ANKS1B: variants seen among roughly 807,000 people sequenced by gnomAD.
The protein encoded by ANKS1B is ankyrin repeat and sterile alpha motif domain containing 1B, also known as ankyrin repeat and sterile alpha motif domain-containing protein 1B.
Under a neutral mutation model 148.3 loss-of-function variants are expected in ANKS1B, and 36 were observed. The observed-to-expected ratio is 0.24, with a 90% CI of 0.19 to 0.32. The LOEUF (loss-of-function observed/expected upper bound fraction) is 0.32. ANKS1B is among the 10% of genes least tolerant of loss of function. The pLI is 1.00. For missense variants in ANKS1B, 1,157 were observed against 1,542.6 expected (o/e 0.75, Z 4.19); for synonymous variants, 542 against 560.8 (o/e 0.97, Z 0.47).
intron 14 of ANKS1B, among the ~76,000 whole-genome samples, chr12:99,202,906 A>G (rs1046296377): frequency 6.6e-6 from 1 of 152,038 alleles, no homozygotes; most frequent in Non-Finnish European, 1.5e-5. Context: ...TCCCTCTCCA[A>G]GTGTCCTACA....
At chr12:99,052,734 C>CAAAAAAAAAAAAA (rs56965572) in intron 17 of ANKS1B, among the ~76,000 whole-genome samples, 9 of 26,012 alleles carry the variant, frequency 3.5e-4, no homozygotes, top group African/African-American at 3.8e-4. Flanking sequence ...GACTCCGTCT[C>CAAAAAAAAAAAAA]AAAAAAAAAA....
intron 10 of ANKS1B, among the ~76,000 whole-genome samples, chr12:99,460,628 CAACA>C (rs2095940480): frequency 6.6e-6 from 1 of 151,352 alleles, no homozygotes; most frequent in Non-Finnish European, 1.5e-5. Context: ...TACAAATGGC[CAACA>C]AACATATAAA....
At chr12:99,194,619 C>A (rs1014775684) in intron 14 of ANKS1B, among the ~76,000 whole-genome samples, 1 of 151,890 alleles carries the variant, frequency 6.6e-6, no homozygotes, top group African/African-American at 2.4e-5. Context: ...TATTAGCACC[C>A]CAATTCAAAC....
chr12:99,610,499 T>C (rs1175048839), intron 9 of ANKS1B, among the ~76,000 whole-genome samples: 4 of 152,132 alleles, frequency 2.6e-5, no homozygotes, highest in South Asian at 2.1e-4. Flanking sequence ...GTTTTATATC[T>C]GGCTTTTGGG....
chr12:99,362,759 T>C (rs929534761), intron 12 of ANKS1B, among the ~76,000 whole-genome samples: 1 of 152,080 alleles, frequency 6.6e-6, no homozygotes, highest in Non-Finnish European at 1.5e-5. Flanking sequence ...ATAAACGCAG[T>C]CAAGTTATCT....
intron 2 of ANKS1B, among the ~76,000 whole-genome samples, chr12:99,820,072 T>A (rs181367032): frequency 8.9e-5 from 13 of 145,542 alleles, no homozygotes; most frequent in African/African-American, 2.6e-4. Flanking sequence ...CTCTACTCTA[T>A]CTATGGAAAT....
intron 17 of ANKS1B, among the ~76,000 whole-genome samples, chr12:98,914,229 A>G (rs2099790924): frequency 6.6e-6 from 1 of 151,882 alleles, no homozygotes; most frequent in South Asian, 2.1e-4. Flanking sequence ...TCCTATTACT[A>G]TGTGACATGC....
intron 17 of ANKS1B, among the ~76,000 whole-genome samples, chr12:98,842,914 A>G (rs1406226837): frequency 1.3e-5 from 2 of 152,210 alleles, no homozygotes; most frequent in Non-Finnish European, 2.9e-5. Context: ...TATATTTTTG[A>G]GGGTCTTAAT....
rs2094043848 is a variant in ANKS1B at position 99,912,699 on chromosome 12, C to T, written c.134+71405G>A. ...ACAAATTTTACTTTGAGTGTTAAGG[C>T]TATCTGTATATTCAAATTTTCCAGA... is the stretch of plus-strand genomic sequence containing the variant. On this transcript the variant is annotated intron_variant, in intron 1 of 26. Transcript: ENST00000683438. Among the ~76,000 whole-genome samples the T allele has an allele frequency of 3.3e-5, 5 of 152,056 alleles. 1 individual carries two copies. The highest frequency in any genetic ancestry group is 3.3e-4 in the Admixed American group (5 of 15,252).
chr12:99,966,877 T>G (rs1432782461), intron 1 of ANKS1B, among the ~76,000 whole-genome samples: 1 of 152,168 alleles, frequency 6.6e-6, no homozygotes, highest in African/African-American at 2.4e-5. Flanking sequence ...TTGTGAGGAA[T>G]GTACAAGATA....
At chr12:99,712,537 C>T (rs901226809) in intron 8 of ANKS1B, among the ~76,000 whole-genome samples, 2 of 152,194 alleles carry the variant, frequency 1.3e-5, no homozygotes, top group Non-Finnish European at 2.9e-5. Flanking sequence ...TTATAACATA[C>T]ATTCAAATAC....
chr12:99,666,041 T>C (rs1322358247), intron 8 of ANKS1B, among the ~76,000 whole-genome samples: 1 of 152,200 alleles, frequency 6.6e-6, no homozygotes, highest in Non-Finnish European at 1.5e-5. Context: ...AATATATAAG[T>C]AGAAGTAGTC....
rs1248815224 is a variant in ANKS1B at position 99,269,895 on chromosome 12, A to C, written c.1757-23031T>G. 7.2e-5 allele frequency among the ~76,000 whole-genome samples: 11 copies of C among 152,176 alleles called. No homozygotes were observed. The South Asian group carries it at 2.3e-3, about 32-fold the overall frequency. On this transcript the variant is annotated intron_variant, in intron 12 of 26. Coordinates refer to ENST00000683438, the MANE Select transcript of ANKS1B (RefSeq NM_001352186.2). ...TATTTTTAAAAGCATATTTTACATG[A>C]GTGATACCGGGGTACTTGATAACTG...
At chr12:98,781,239 G>C in intron 23 of ANKS1B, 36 bp from the exon 24 acceptor site, 1 of 1,367,928 alleles carries the variant, frequency 7.3e-7, no homozygotes, top group Non-Finnish European at 1.0e-6. Flanking sequence ...AGAGCAGTTT[G>C]TGTTGCGTGG....
At chr12:99,470,643 T>C (rs1198198272) in intron 10 of ANKS1B, among the ~76,000 whole-genome samples, 1 of 152,196 alleles carries the variant, frequency 6.6e-6, no homozygotes, top group East Asian at 1.9e-4. Flanking sequence ...GTGAATTTTA[T>C]GCTAACAAGA....
intron 25 of ANKS1B, among the ~76,000 whole-genome samples, chr12:98,758,780 CT>C (rs59375322): frequency 0.012 from 1,461 of 120,570 alleles, 17 homozygotes; most frequent in African/African-American, 0.037. Context: ...CTTTTCCTTC[CT>C]TTTTTTTTTT....
intron 15 of ANKS1B, among the ~76,000 whole-genome samples, chr12:99,101,657 G>A (rs12311484): frequency 6.6e-6 from 1 of 152,172 alleles, no homozygotes; most frequent in Non-Finnish European, 1.5e-5. Context: ...CACCTCCCGG[G>A]TTCAAGCAAT....
At chr12:98,783,663 T>C (rs1404794738) in intron 22 of ANKS1B, among the ~76,000 whole-genome samples, 1 of 152,166 alleles carries the variant, frequency 6.6e-6, no homozygotes, top group Non-Finnish European at 1.5e-5. Flanking sequence ...GAGGCTGTTT[T>C]AGCAACAGAA....
intron 9 of ANKS1B, among the ~76,000 whole-genome samples, chr12:99,571,491 C>G (rs1183481273): frequency 1.3e-5 from 2 of 151,752 alleles, no homozygotes; most frequent in African/African-American, 4.8e-5. Flanking sequence ...ACTATTTTTG[C>G]CAATCCTCAA....
Sources: gnomAD v4.1 joint callset for allele counts (sites outside exome capture counted in the v4.1 genomes callset) on GRCh38, gnomAD v4.1.1 for gene constraint, MANE v1.5 for transcripts, NCBI Gene and HGNC (gene_info 2026-07-23, HGNC 2026-07-21) for gene names.